KCND2: variants seen among roughly 807,000 people sequenced by gnomAD.
The protein encoded by KCND2 is A-type voltage-gated potassium channel KCND2.
Under a neutral mutation model 54.4 loss-of-function variants are expected in KCND2, and 16 were observed. The observed-to-expected ratio is 0.29, with a 90% CI of 0.20 to 0.45. The LOEUF is 0.45. KCND2 is among the 20% of genes least tolerant of loss of function. The probability of loss-of-function intolerance (pLI) is 1.00; values close to 1 mark genes in which losing one functional copy is unlikely to be tolerated. For missense variants in KCND2, 486 were observed against 824.2 expected, an observed-to-expected ratio of 0.59 and a Z score of 5.02; for synonymous variants, 317 against 310.7, an observed-to-expected ratio of 1.02 and a Z score of -0.21.
intron 1 of KCND2, among the ~76,000 whole-genome samples, chr7:120,576,561 A>C (rs1792436899): frequency 6.6e-6 from 1 of 152,208 alleles, no homozygotes; most frequent in African/African-American, 2.4e-5. Flanking sequence ...AAACAAGTAC[A>C]AATTTAAACT....
At chr7:120,569,182 C>T (rs893118715) in intron 1 of KCND2, among the ~76,000 whole-genome samples, 2 of 152,088 alleles carry the variant, frequency 1.3e-5, no homozygotes, top group Non-Finnish European at 2.9e-5. Flanking sequence ...GAGGTGACCA[C>T]ATCATATCTT....
chr7:120,514,260 C>G (rs1803163426), intron 1 of KCND2, among the ~76,000 whole-genome samples: 1 of 152,048 alleles, frequency 6.6e-6, no homozygotes, highest in African/African-American at 2.4e-5. Flanking sequence ...CATATTCTTA[C>G]CTGTCCACAC....
chr7:120,741,916 G>T (rs1042085531), intron 3 of KCND2, among the ~76,000 whole-genome samples: 6 of 151,912 alleles, frequency 3.9e-5, no homozygotes, highest in Admixed American at 3.3e-4. Flanking sequence ...AAAAAAAAAT[G>T]CTTAATAATT....
At chr7:120,456,778 C>T (rs1395000318) in intron 1 of KCND2, among the ~76,000 whole-genome samples, 1 of 152,112 alleles carries the variant, frequency 6.6e-6, no homozygotes, top group Non-Finnish European at 1.5e-5. Flanking sequence ...AGGACTGTGA[C>T]CCTCTTCTCA....
intron 1 of KCND2, among the ~76,000 whole-genome samples, chr7:120,732,287 A>G (rs747047718): frequency 2.6e-5 from 4 of 152,124 alleles, no homozygotes; most frequent in Non-Finnish European, 4.4e-5. Flanking sequence ...AAATAAGAAT[A>G]TTTTCTAATA....
At chr7:120,440,518 T>C (rs538283529) in intron 1 of KCND2, among the ~76,000 whole-genome samples, 75 of 152,214 alleles carry the variant, frequency 4.9e-4, no homozygotes, top group African/African-American at 1.7e-3. Flanking sequence ...CTATGTTGGC[T>C]TTTTTAGTCT....
intron 1 of KCND2, among the ~76,000 whole-genome samples, chr7:120,358,289 G>A (rs759884416): frequency 6.6e-6 from 1 of 152,088 alleles, no homozygotes; most frequent in African/African-American, 2.4e-5. Context: ...GCTCCTTGTG[G>A]TTAGAATTAT....
chr7:120,500,084 C>A (rs531239522), intron 1 of KCND2, among the ~76,000 whole-genome samples: 32 of 152,180 alleles, frequency 2.1e-4, no homozygotes, highest in African/African-American at 7.2e-4. Flanking sequence ...TTCTTAGTCC[C>A]AAATGTTTTA....
At chr7:120,563,567 T>C (rs969311655) in intron 1 of KCND2, among the ~76,000 whole-genome samples, 1 of 152,174 alleles carries the variant, frequency 6.6e-6, no homozygotes, top group African/African-American at 2.4e-5. Flanking sequence ...GAAATCAATA[T>C]CTTCAATGTC....
chr7:120,321,700 T>C (rs2116330975), intron 1 of KCND2, among the ~76,000 whole-genome samples: 1 of 152,252 alleles, frequency 6.6e-6, no homozygotes, highest in South Asian at 2.1e-4. Context: ...TTTATTGACT[T>C]TGCTCTGGAG....
At chr7:120,550,315 GA>G (rs960414424) in intron 1 of KCND2, among the ~76,000 whole-genome samples, 16 of 151,862 alleles carry the variant, frequency 1.1e-4, no homozygotes, top group East Asian at 3.9e-4. Flanking sequence ...ACCAATGGGG[GA>G]AAAAAATGAG....
At chr7:120,660,060 G>A (rs565226462) in intron 1 of KCND2, among the ~76,000 whole-genome samples, 6 of 152,188 alleles carry the variant, frequency 3.9e-5, no homozygotes, top group Admixed American at 3.3e-4. Flanking sequence ...GGGTGGGCAT[G>A]GTTAATATAT....
chr7:120,441,314 A>C (rs554546478), intron 1 of KCND2, among the ~76,000 whole-genome samples: 3 of 152,104 alleles, frequency 2.0e-5, no homozygotes, highest in Non-Finnish European at 4.4e-5. Flanking sequence ...AAATTGAATT[A>C]GTATGAAATT....
chr7:120,633,586 C>T (rs1389039316), intron 1 of KCND2, among the ~76,000 whole-genome samples: 3 of 152,128 alleles, frequency 2.0e-5, no homozygotes, highest in African/African-American at 4.8e-5. Context: ...TTATATAACT[C>T]TCCCCCCAAA....
At chr7:120,634,627 G>A in intron 1 of KCND2, among the ~76,000 whole-genome samples, 1 of 152,110 alleles carries the variant, frequency 6.6e-6, no homozygotes, top group Non-Finnish European at 1.5e-5. Context: ...CCCAATGCTT[G>A]TAAAAACTTT....
chr7:120,714,975 A>G (rs1792585171), intron 1 of KCND2, among the ~76,000 whole-genome samples: 1 of 152,102 alleles, frequency 6.6e-6, no homozygotes, highest in Non-Finnish European at 1.5e-5. Context: ...GTGATTGAGA[A>G]TCAAGCACTT....
At chr7:120,321,025 A>G (rs1325887533) in intron 1 of KCND2, among the ~76,000 whole-genome samples, 5 of 152,148 alleles carry the variant, frequency 3.3e-5, no homozygotes, top group Non-Finnish European at 7.4e-5. Context: ...GACAGTGCCC[A>G]ATTCATAGTA....
chr7:120,430,362 G>C (rs1801771728), intron 1 of KCND2, among the ~76,000 whole-genome samples: 1 of 152,030 alleles, frequency 6.6e-6, no homozygotes, highest in Admixed American at 6.6e-5. Context: ...GAAGCCCTGT[G>C]TTCAAATATA....
chr7:120,699,238 C>T (rs1331360118), intron 1 of KCND2, among the ~76,000 whole-genome samples: 2 of 151,188 alleles, frequency 1.3e-5, no homozygotes, highest in African/African-American at 4.9e-5. Flanking sequence ...GCCGAGATCG[C>T]GCCACTGCAC....
Sources: gnomAD v4.1 joint callset for allele counts (sites outside exome capture counted in the v4.1 genomes callset) on GRCh38, gnomAD v4.1.1 for gene constraint, MANE v1.5 for transcripts, NCBI Gene and HGNC (gene_info 2026-07-23, HGNC 2026-07-21) for gene names.